Variants in PRIM2 observed in about 807,000 individuals in gnomAD.
PRIM2 encodes the protein DNA primase large subunit.
In PRIM2, 39 loss-of-function variants were observed where a neutral mutation model predicts 67.3. The observed-to-expected ratio is 0.58, with a 90% CI of 0.45 to 0.76. The LOEUF is 0.76. PRIM2 is among the 30% of genes least tolerant of loss of function. The pLI is 0.00. For synonymous variants in PRIM2, 143 were observed against 198.7 expected (o/e 0.72, Z 2.36); for missense variants, 398 against 598.7 (o/e 0.66, Z 3.50).
chr6:57,372,044 A>G (rs1331620149), intron 5 of PRIM2, among the ~76,000 whole-genome samples: 7 of 152,350 alleles, frequency 4.6e-5, no homozygotes, highest in South Asian at 2.1e-4. Context: ...CTAAACCTCA[A>G]TTTACATACT....
chr6:57,509,811 A>T, intron 8 of PRIM2, among the ~76,000 whole-genome samples: 1 of 149,026 alleles, frequency 6.7e-6, no homozygotes, highest in East Asian at 1.9e-4. Context: ...TGTATTTAAC[A>T]TAATTTTAAT....
intron 8 of PRIM2, among the ~76,000 whole-genome samples, chr6:57,525,577 ATTCAACCTAGACCTGTTGTCCGGCAT>A (rs1774732027): frequency 6.6e-6 from 1 of 152,158 alleles, no homozygotes; most frequent in Admixed American, 6.5e-5. Flanking sequence ...AGGCTTCTCT[ATTCAACCTAGACCTGTTGTCCGGCAT>A]TTCAACAACA....
chr6:57,602,128 C>T lies in PRIM2; in HGVS notation c.1147+909C>T, dbSNP rs1167271836. On this transcript the variant is annotated intron_variant, in intron 11 of 13. Coordinates refer to ENST00000615550, the MANE Select transcript of PRIM2 (RefSeq NM_000947.5). ...AGGCTGGAGTGCAATGGCGCGATCTCGGCTCACTGCAGTCTCCACCTCCTG... is the reference window on the plus strand; with the variant it reads ...AGGCTGGAGTGCAATGGCGCGATCTTGGCTCACTGCAGTCTCCACCTCCTG... 9.3e-5 allele frequency among the ~76,000 whole-genome samples: 14 copies of T among 150,350 alleles called. No individual in the cohort carries two copies. The South Asian group carries it at 2.7e-3, about 29-fold the overall frequency.
the PRIM2 span, among the ~76,000 whole-genome samples, chr6:57,308,139 T>C: frequency 1.3e-5 from 2 of 151,412 alleles, no homozygotes; most frequent in African/African-American, 4.8e-5. Context: ...TTTCTCTCTT[T>C]TTTTTTTTGA....
chr6:57,564,678 G>A (rs1284156493), intron 10 of PRIM2, among the ~76,000 whole-genome samples: 1 of 152,006 alleles, frequency 6.6e-6, no homozygotes, highest in Admixed American at 6.5e-5. Flanking sequence ...GGATGGTTTT[G>A]TTTTTATTTG....
chr6:57,416,263 G>A (rs1189515754), intron 7 of PRIM2, among the ~76,000 whole-genome samples: 1 of 152,220 alleles, frequency 6.6e-6, no homozygotes, highest in Non-Finnish European at 1.5e-5. Flanking sequence ...GAGCTCTTCA[G>A]TGACCAGGTG....
chr6:57,239,624 C>T, the PRIM2 span, among the ~76,000 whole-genome samples: 2 of 152,132 alleles, frequency 1.3e-5, no homozygotes, highest in African/African-American at 2.4e-5. Context: ...TGCCTGTATT[C>T]TCAGCTACTC....
intron 5 of PRIM2, among the ~76,000 whole-genome samples, chr6:57,335,108 C>A (rs1768183590): frequency 6.6e-6 from 1 of 152,178 alleles, no homozygotes; most frequent in Non-Finnish European, 1.5e-5. Flanking sequence ...ACAGATGGCA[C>A]CTGGAAAATC....
At chr6:57,621,591 G>A (rs1776856248) in intron 12 of PRIM2, among the ~76,000 whole-genome samples, 1 of 151,870 alleles carries the variant, frequency 6.6e-6, no homozygotes. Flanking sequence ...CTCCACTTCT[G>A]TATAGCTCTG....
At chr6:57,251,906 A>G in the PRIM2 span, among the ~76,000 whole-genome samples, 2 of 152,162 alleles carry the variant, frequency 1.3e-5, no homozygotes, top group African/African-American at 4.8e-5. Flanking sequence ...TGTTGGGTGA[A>G]TTAACTACAC....
chr6:57,497,034 C>T (rs1554346438), intron 7 of PRIM2, among the ~76,000 whole-genome samples: 3,395 of 152,184 alleles, frequency 0.022, 109 homozygotes, highest in South Asian at 0.072. Context: ...GCTAACTATA[C>T]TAAGGAATAG....
chr6:57,406,984 G>T (rs1770914332), intron 7 of PRIM2, among the ~76,000 whole-genome samples: 2 of 150,436 alleles, frequency 1.3e-5, no homozygotes, highest in Admixed American at 1.3e-4. Flanking sequence ...ATAAGGTAAT[G>T]ATCTAGAAAA....
intron 5 of PRIM2, among the ~76,000 whole-genome samples, chr6:57,339,433 GCA>G (rs1468405836): frequency 6.6e-6 from 1 of 151,716 alleles, no homozygotes; most frequent in Non-Finnish European, 1.5e-5. Context: ...GCTGGAGGCA[GCA>G]CACTACCTGA....
the PRIM2 span, among the ~76,000 whole-genome samples, chr6:57,270,977 C>T: frequency 1.3e-5 from 2 of 151,942 alleles, no homozygotes; most frequent in South Asian, 4.2e-4. Flanking sequence ...AGGGATGAAG[C>T]CCACTTGATC....
chr6:57,403,295 T>C (rs1460227405), intron 7 of PRIM2, among the ~76,000 whole-genome samples: 1 of 150,644 alleles, frequency 6.6e-6, no homozygotes, highest in Non-Finnish European at 1.5e-5. Context: ...CTCGCTCTGT[T>C]GCCCAGGCTG....
intron 10 of PRIM2, among the ~76,000 whole-genome samples, chr6:57,579,700 A>T (rs1181283810): frequency 6.6e-6 from 1 of 152,230 alleles, no homozygotes; most frequent in Admixed American, 6.5e-5. Context: ...TTAATATGCT[A>T]TGAGTAACCA....
At chr6:57,273,525 C>T in the PRIM2 span, among the ~76,000 whole-genome samples, 6 of 152,158 alleles carry the variant, frequency 3.9e-5, no homozygotes, top group African/African-American at 1.4e-4. Context: ...GTTATGCATT[C>T]GTATAATTTT....
intron 10 of PRIM2, among the ~76,000 whole-genome samples, chr6:57,543,927 G>GTGTTACAATGCACATAATTTC (rs1365723242): frequency 6.6e-6 from 1 of 152,080 alleles, no homozygotes; most frequent in Non-Finnish European, 1.5e-5. Flanking sequence ...AGCAGTTTTT[G>GTGTTACAATGCACATAATTTC]TGTTATAATG....
intron 10 of PRIM2, among the ~76,000 whole-genome samples, chr6:57,554,893 T>A (rs1484378123): frequency 6.6e-6 from 1 of 152,226 alleles, no homozygotes; most frequent in Non-Finnish European, 1.5e-5. Context: ...TCCAGCCAGA[T>A]CATTTGCTTT....
Sources: allele counts gnomAD v4.1 joint callset (sites outside exome capture counted in the v4.1 genomes callset), GRCh38; gene constraint gnomAD v4.1.1; transcripts MANE v1.5; gene names NCBI Gene and HGNC (gene_info 2026-07-23, HGNC 2026-07-21).